The following HMGA2 variants were observed in gnomAD, a reference collection of about 807,000 sequenced individuals.
HMGA2 encodes the protein high mobility group protein HMGI-C.
Under a neutral mutation model 19.1 loss-of-function variants are expected in HMGA2, and 8 were observed. The observed-to-expected ratio is 0.42, with a 90% CI of 0.25 to 0.76. The LOEUF (loss-of-function observed/expected upper bound fraction) is 0.76. Ranked by LOEUF, HMGA2 falls within the 30% of genes least tolerant of loss-of-function variation. The pLI is 0.28. For missense variants in HMGA2, 109 were observed against 136.3 expected, an observed-to-expected ratio of 0.80 and a Z score of 1.00; for synonymous variants, 60 against 48.8, an observed-to-expected ratio of 1.23 and a Z score of -0.96.
chr12:65,957,599 C>T (rs1485132217), intron 4 of HMGA2: 1 of 152,112 alleles, frequency 6.6e-6, no homozygotes, highest in Non-Finnish European at 1.5e-5. Flanking sequence ...GCATGGAAAA[C>T]TGATCAAACC....
intron 3 of HMGA2, among the ~76,000 whole-genome samples, chr12:65,895,607 T>A (rs1383862026): frequency 6.6e-6 from 1 of 152,162 alleles, no homozygotes; most frequent in East Asian, 1.9e-4. Context: ...AATATAGGCA[T>A]GTTATATTTG....
chr12:65,965,212 C>A lies in HMGA2; in HGVS notation c.*1920C>A, dbSNP rs921658128. On this transcript the variant is annotated 3_prime_UTR_variant, in exon 5 of 5. Transcript: ENST00000403681. ...AAGCCCTGCTTTTGCATAATGCAATCAAAAATATGTGTTTTTAAGATTAGT... is the reference window on the plus strand; with the variant it reads ...AAGCCCTGCTTTTGCATAATGCAATAAAAAATATGTGTTTTTAAGATTAGT... The A allele has an allele frequency of 2.5e-5, 5 of 201,234 alleles. No homozygotes were observed. Among genetic ancestry groups the A allele is most frequent in the Non-Finnish European group, 4.1e-5 (4 of 97,468 alleles). The allele number at this position is 201,234 out of a possible 1,614,324, so 12.5% of individuals were successfully genotyped here.
At position 65,964,300 on chromosome 12, in the gene HMGA2, AG is replaced by A. The variant is rs1359546388; in HGVS notation, c.*1016del. 3,692 of 148,612 alleles carry A rather than the reference AG, an allele frequency of 0.025. 111 individuals carry two copies. Among genetic ancestry groups the A allele is most frequent in the African/African-American group, 0.077 (3,062 of 40,018 alleles). The allele number at this position is 148,612 out of a possible 1,614,324, so 9.2% of individuals were successfully genotyped here. On this transcript the variant is annotated 3_prime_UTR_variant, in exon 5 of 5. Transcript: ENST00000403681. ...TCAATTTAAAAAGCAAAAAAAAAAA[AG>A]GGGGGGGCAATCTCTCTCTGTGTCT... is the stretch of plus-strand genomic sequence containing the variant.
At chr12:65,929,232 T>A (rs1221681313) in intron 3 of HMGA2, among the ~76,000 whole-genome samples, 1 of 152,112 alleles carries the variant, frequency 6.6e-6, no homozygotes, top group Non-Finnish European at 1.5e-5. Context: ...CTTCCTCATG[T>A]TTTCCATACT....
intron 3 of HMGA2, among the ~76,000 whole-genome samples, chr12:65,884,613 A>G (rs901949275): frequency 6.6e-5 from 10 of 152,220 alleles, no homozygotes; most frequent in African/African-American, 2.2e-4. Context: ...CCTCAAGGTA[A>G]AAAGTCCAAA....
intron 3 of HMGA2, among the ~76,000 whole-genome samples, chr12:65,902,124 G>A (rs1874396459): frequency 1.3e-5 from 2 of 152,058 alleles, no homozygotes; most frequent in Non-Finnish European, 2.9e-5. Flanking sequence ...CCCAGGTTGA[G>A]CTTAAATGTT....
chr12:65,950,031 A>C (rs1876403296), intron 3 of HMGA2, among the ~76,000 whole-genome samples: 1 of 152,196 alleles, frequency 6.6e-6, no homozygotes, highest in African/African-American at 2.4e-5. Flanking sequence ...GGATGTCTAC[A>C]AGCAAAAAGA....
chr12:65,857,968 A>G (rs1871830039), intron 3 of HMGA2: 1 of 152,748 alleles, frequency 6.5e-6, no homozygotes, highest in African/African-American at 2.4e-5. Context: ...TCAAATTTCC[A>G]TATATTGGAA....
intron 3 of HMGA2, among the ~76,000 whole-genome samples, chr12:65,907,699 A>T (rs1874661057): frequency 1.3e-5 from 2 of 152,172 alleles, no homozygotes; most frequent in South Asian, 2.1e-4. Context: ...TTGGTGATTA[A>T]CAGGAAATTA....
At chr12:65,888,073 C>T (rs1873734582) in intron 3 of HMGA2, among the ~76,000 whole-genome samples, 1 of 152,024 alleles carries the variant, frequency 6.6e-6, no homozygotes, top group Admixed American at 6.6e-5. Flanking sequence ...ATTGGTGTTC[C>T]TGAGGTTATG....
chr12:65,939,886 T>C (rs1013096220), intron 3 of HMGA2, among the ~76,000 whole-genome samples: 1 of 152,198 alleles, frequency 6.6e-6, no homozygotes, highest in Non-Finnish European at 1.5e-5. Flanking sequence ...ATTATGTAGA[T>C]GGGCCTACAT....
intron 3 of HMGA2, among the ~76,000 whole-genome samples, chr12:65,854,113 C>A (rs918298740): frequency 1.3e-5 from 2 of 152,136 alleles, no homozygotes; most frequent in Non-Finnish European, 2.9e-5. Flanking sequence ...TTCGAGATAT[C>A]CTGTGTTCCA....
chr12:65,916,409 C>T (rs1875103481), intron 3 of HMGA2, among the ~76,000 whole-genome samples: 1 of 152,154 alleles, frequency 6.6e-6, no homozygotes, highest in Non-Finnish European at 1.5e-5. Flanking sequence ...GCTTGAAATT[C>T]CATTGTTACA....
chr12:65,934,356 C>G (rs1272721374), intron 3 of HMGA2, among the ~76,000 whole-genome samples: 3 of 152,142 alleles, frequency 2.0e-5, no homozygotes, highest in Non-Finnish European at 4.4e-5. Context: ...ACCATATTCT[C>G]TAATAACATC....
intron 3 of HMGA2, among the ~76,000 whole-genome samples, chr12:65,917,166 G>C (rs772415523): frequency 1.3e-5 from 2 of 152,070 alleles, no homozygotes; most frequent in Non-Finnish European, 2.9e-5. Flanking sequence ...CTGAACCCCA[G>C]GGGCACTAAG....
chr12:65,861,887 C>A (rs1269301149), intron 3 of HMGA2, among the ~76,000 whole-genome samples: 8 of 151,024 alleles, frequency 5.3e-5, no homozygotes. Flanking sequence ...TCTTGTTGCC[C>A]AGGCTGGAGC....
chr12:65,855,458 T>A (rs4402332), intron 3 of HMGA2, among the ~76,000 whole-genome samples: 10,037 of 139,826 alleles, frequency 0.072, 1,000 homozygotes, highest in African/African-American at 0.22. Context: ...TCTCTCTCTC[T>A]CACACACACA....
At chr12:65,893,078 C>T (rs567495559) in intron 3 of HMGA2, among the ~76,000 whole-genome samples, 1 of 152,270 alleles carries the variant, frequency 6.6e-6, no homozygotes, top group South Asian at 2.1e-4. Context: ...ACACTGCACC[C>T]CGGTCACAGG....
intron 3 of HMGA2, among the ~76,000 whole-genome samples, chr12:65,886,399 G>T (rs560412747): frequency 5.7e-5 from 8 of 140,430 alleles, no homozygotes; most frequent in African/African-American, 1.9e-4. Flanking sequence ...TCCCTCTATC[G>T]CCCAGGCTGG....
Sources: allele counts gnomAD v4.1 joint callset (sites outside exome capture counted in the v4.1 genomes callset), GRCh38; gene constraint gnomAD v4.1.1; transcripts MANE v1.5; gene names NCBI Gene and HGNC (gene_info 2026-07-23, HGNC 2026-07-21).